Variants in SH3BGRL2 observed in about 807,000 individuals in gnomAD.
SH3BGRL2 encodes SH3 domain binding glutamate rich protein like 2.
A neutral mutation model predicts 14.8 loss-of-function variants in SH3BGRL2; 21 were observed. The observed-to-expected ratio is 1.42, with a 90% CI of 1.01 to 2.05. SH3BGRL2 has a LOEUF of 2.05. Ranked by LOEUF, SH3BGRL2 falls within the 30% of genes most tolerant of loss-of-function variation. The pLI is 0.00. For synonymous variants in SH3BGRL2, 50 were observed against 47.8 expected, an observed-to-expected ratio of 1.05 and a Z score of -0.19; for missense variants, 147 against 130.8, an observed-to-expected ratio of 1.12 and a Z score of -0.61.
the SH3BGRL2 span, among the ~76,000 whole-genome samples, chr6:79,586,893 A>G: frequency 6.6e-6 from 1 of 152,240 alleles, no homozygotes; most frequent in Non-Finnish European, 1.5e-5. Context: ...TGTGTGGGCC[A>G]ATAGTGTCTA....
intron 1 of SH3BGRL2, among the ~76,000 whole-genome samples, chr6:79,635,791 C>T (rs898737793): frequency 1.3e-5 from 2 of 152,178 alleles, no homozygotes; most frequent in African/African-American, 4.8e-5. Context: ...GGAAGGGAAA[C>T]ACATGGAAAC....
At position 79,648,279 on chromosome 6, in the gene SH3BGRL2, T is replaced by TATATAA. The variant is rs752182712; in HGVS notation, c.45+16777_45+16778insAAATAT. ...GCATATATATATATATATATATATA[T>TATATAA]ATATTTGACATATATTATATATAAT... On this transcript the variant is annotated intron_variant, in intron 1 of 3. Coordinates refer to ENST00000369838, the MANE Select transcript of SH3BGRL2 (RefSeq NM_031469.4). 2.4e-3 allele frequency among the ~76,000 whole-genome samples: 277 copies of TATATAA among 117,164 alleles called. 14 individuals carry two copies. The highest frequency in any genetic ancestry group is 8.7e-3 in the Middle Eastern group (2 of 230). 76.9% of individuals were successfully genotyped at this position (117,164 alleles called of 152,430 possible). A position where few individuals can be genotyped will look rare whatever the true frequency, so the allele number is the denominator to read the frequency against.
At chr6:79,633,446 T>C (rs1188956735) in intron 1 of SH3BGRL2, among the ~76,000 whole-genome samples, 1 of 152,192 alleles carries the variant, frequency 6.6e-6, no homozygotes, top group African/African-American at 2.4e-5. Context: ...TACCTATTAG[T>C]ATAATACCTA....
At chr6:79,587,440 A>G in the SH3BGRL2 span, among the ~76,000 whole-genome samples, 1 of 152,194 alleles carries the variant, frequency 6.6e-6, no homozygotes, top group African/African-American at 2.4e-5. Context: ...AAGCCTAATC[A>G]TGAGGCTGCA....
intron 1 of SH3BGRL2, among the ~76,000 whole-genome samples, chr6:79,641,814 A>G (rs1020664447): frequency 4.6e-5 from 7 of 152,200 alleles, no homozygotes; most frequent in Non-Finnish European, 8.8e-5. Flanking sequence ...CAAAAATTAT[A>G]TACAGTACAT....
At chr6:79,579,012 C>T in the SH3BGRL2 span, among the ~76,000 whole-genome samples, 1 of 152,090 alleles carries the variant, frequency 6.6e-6, no homozygotes, top group Non-Finnish European at 1.5e-5. Flanking sequence ...CATGCATAAG[C>T]TTCAATAGCT....
chr6:79,605,063 G>T, the SH3BGRL2 span, among the ~76,000 whole-genome samples: 1 of 152,172 alleles, frequency 6.6e-6, no homozygotes, highest in East Asian at 1.9e-4. Context: ...GGCTGGCTTT[G>T]TTACTTGCTT....
the SH3BGRL2 span, among the ~76,000 whole-genome samples, chr6:79,605,089 G>A: frequency 1.3e-5 from 2 of 152,178 alleles, no homozygotes; most frequent in African/African-American, 2.4e-5. Context: ...AATAAAATAC[G>A]GCAGGTCTTA....
At chr6:79,627,780 T>G (rs1457268014), upstream of SH3BGRL2, among the ~76,000 whole-genome samples, 2 of 152,168 alleles carry the variant, frequency 1.3e-5, no homozygotes, top group Admixed American at 6.5e-5. Context: ...TCTCTTTCCA[T>G]GTTTTCTTCT....
At chr6:79,690,036 G>T (rs1000660896) in intron 2 of SH3BGRL2, among the ~76,000 whole-genome samples, 1 of 152,194 alleles carries the variant, frequency 6.6e-6, no homozygotes, top group African/African-American at 2.4e-5. Flanking sequence ...CATGCAGGCT[G>T]TAGTGCACTG....
chr6:79,558,035 A>G, the SH3BGRL2 span, among the ~76,000 whole-genome samples: 1 of 152,274 alleles, frequency 6.6e-6, no homozygotes, highest in Non-Finnish European at 1.5e-5. Context: ...AATTAATATC[A>G]TAAATAGAAT....
chr6:79,538,066 T>G, the SH3BGRL2 span, among the ~76,000 whole-genome samples: 1 of 135,644 alleles, frequency 7.4e-6, no homozygotes, highest in Non-Finnish European at 1.5e-5. Flanking sequence ...AGGAACGTTT[T>G]GAGGAGCATG....
At chr6:79,645,776 A>C (rs1191981359) in intron 1 of SH3BGRL2, among the ~76,000 whole-genome samples, 1 of 152,140 alleles carries the variant, frequency 6.6e-6, no homozygotes, top group Admixed American at 6.5e-5. Flanking sequence ...CACATTATTA[A>C]CTGTCTGACT....
intron 1 of SH3BGRL2, among the ~76,000 whole-genome samples, chr6:79,634,824 G>A (rs913259040): frequency 5.3e-5 from 8 of 152,158 alleles, no homozygotes; most frequent in African/African-American, 1.9e-4. Flanking sequence ...ATTGCAGGAT[G>A]TCAGATAAAG....
At chr6:79,597,567 A>G in the SH3BGRL2 span, among the ~76,000 whole-genome samples, 2 of 152,240 alleles carry the variant, frequency 1.3e-5, no homozygotes, top group East Asian at 3.8e-4. Context: ...GGAGATCCAC[A>G]TGCAGAAGAA....
chr6:79,553,563 C>T, the SH3BGRL2 span, among the ~76,000 whole-genome samples: 1 of 152,058 alleles, frequency 6.6e-6, no homozygotes, highest in Non-Finnish European at 1.5e-5. Context: ...TTCTTGCAGC[C>T]CTAATGAACA....
chr6:79,647,057 G>C (rs1181024372), intron 1 of SH3BGRL2, among the ~76,000 whole-genome samples: 1 of 152,170 alleles, frequency 6.6e-6, no homozygotes, highest in African/African-American at 2.4e-5. Flanking sequence ...CATATACCTA[G>C]GGGTGGAATT....
In SH3BGRL2 at chr6:79,644,142, C is replaced by G. The variant is rs188877204; in HGVS notation, c.45+12636C>G. 2.4e-3 allele frequency among the ~76,000 whole-genome samples: 362 copies of G among 152,244 alleles called. 1 individual carries two copies. The highest frequency in any genetic ancestry group is 3.7e-3 in the Non-Finnish European group (252 of 68,022). On this transcript the variant is annotated intron_variant, in intron 1 of 3. Coordinates refer to ENST00000369838, the MANE Select transcript of SH3BGRL2 (RefSeq NM_031469.4). The stretch of plus-strand genomic sequence containing the variant: ...GCGCCCTCATCCTTTACATCTTGAA[C>G]CCTAGGTTACTAGGAGAAATGTTCT...
the SH3BGRL2 span, among the ~76,000 whole-genome samples, chr6:79,544,849 T>C: frequency 6.6e-6 from 1 of 152,226 alleles, no homozygotes; most frequent in Non-Finnish European, 1.5e-5. Flanking sequence ...GGATGATTTT[T>C]AACATTACAT....
Sources: gnomAD v4.1 joint callset for allele counts (sites outside exome capture counted in the v4.1 genomes callset) on GRCh38, gnomAD v4.1.1 for gene constraint, MANE v1.5 for transcripts, NCBI Gene and HGNC (gene_info 2026-07-23, HGNC 2026-07-21) for gene names.